Variants in GRK5 observed in about 807,000 individuals in gnomAD.
GRK5 encodes the protein g protein-coupled receptor kinase GRK5.
GRK5 carries 40 observed loss-of-function variants against 78.4 expected under a neutral mutation model. The ratio of observed to expected loss-of-function variants is 0.51; its 90% CI spans 0.40 to 0.66. The LOEUF is 0.66. Ranked by LOEUF, GRK5 falls within the 30% of genes least tolerant of loss-of-function variation. The pLI is 0.00. For missense variants in GRK5, 598 were observed against 759.9 expected, an observed-to-expected ratio of 0.79 and a Z score of 2.50; for synonymous variants, 289 against 296.8, an observed-to-expected ratio of 0.97 and a Z score of 0.27.
intron 1 of GRK5, among the ~76,000 whole-genome samples, chr10:119,260,372 C>CTTTTT (rs56407821): frequency 2.0e-5 from 2 of 101,448 alleles, no homozygotes; most frequent in Non-Finnish European, 3.8e-5. Context: ...TAACCGTCTG[C>CTTTTT]TTTTTTTTTT....
intron 2 of GRK5, among the ~76,000 whole-genome samples, chr10:119,365,755 C>T (rs1851438297): frequency 6.6e-6 from 1 of 152,204 alleles, no homozygotes; most frequent in Non-Finnish European, 1.5e-5. Context: ...TGACTATGTT[C>T]CCCTCAACAC....
intron 1 of GRK5, among the ~76,000 whole-genome samples, chr10:119,291,185 C>G (rs552425839): frequency 5.0e-4 from 76 of 152,242 alleles, no homozygotes; most frequent in African/African-American, 1.8e-3. Context: ...TCTCCATGAT[C>G]TTCATGTTTC....
chr10:119,435,415 T>C (rs1334616030), intron 8 of GRK5, among the ~76,000 whole-genome samples: 1 of 152,228 alleles, frequency 6.6e-6, no homozygotes, highest in Non-Finnish European at 1.5e-5. Flanking sequence ...CCTTGAGTGC[T>C]TTGTTGCTTA....
chr10:119,348,761 G>A (rs953068425), intron 2 of GRK5, among the ~76,000 whole-genome samples: 2 of 152,248 alleles, frequency 1.3e-5, no homozygotes, highest in African/African-American at 4.8e-5. Flanking sequence ...CGGGCCACCA[G>A]TGAGTGCTTT....
In GRK5 at chr10:119,430,555, A is replaced by C; in HGVS notation, c.597+117A>C. 2.4e-6 allele frequency: 2 copies of C among 820,878 alleles called. No individual in the cohort carries two copies. The highest frequency in any genetic ancestry group is 3.9e-6 in the Non-Finnish European group (2 of 508,160). The allele number at this position is 820,878 out of a possible 1,614,324, so 50.8% of individuals were successfully genotyped here. ...GGTCCCCCGGGGGCACCAGTGGCTC[A>C]ATGTGGGCCCCGGGGGCAGTGAGGG... is the stretch of plus-strand genomic sequence containing the variant. On this transcript the variant is annotated intron_variant, in intron 7 of 15. Transcript: ENST00000392870. This position sits in a 1 kb window ranked among gnomAD's most constrained non-coding sequence, Gnocchi z 4.5.
At chr10:119,395,197 C>A (rs1290810591) in intron 3 of GRK5, among the ~76,000 whole-genome samples, 1 of 152,206 alleles carries the variant, frequency 6.6e-6, no homozygotes, top group Non-Finnish European at 1.5e-5. Flanking sequence ...GCCCTATCTC[C>A]CTGTGATCTA....
In GRK5 at chr10:119,358,771, G is replaced by A. The variant is rs565028335; in HGVS notation, c.149-22044G>A. 1.1e-4 allele frequency among the ~76,000 whole-genome samples: 17 copies of A among 152,292 alleles called. No homozygotes were observed. In the South Asian group the frequency reaches 3.3e-3, roughly 30 times the overall value. ...TATGACAAAATACCACAGAGTGGGCGGCTTAGACAACAGGTATTTCTTTCC... is the reference window on the plus strand; with the variant it reads ...TATGACAAAATACCACAGAGTGGGCAGCTTAGACAACAGGTATTTCTTTCC... On this transcript the variant is annotated intron_variant, in intron 2 of 15. Coordinates refer to ENST00000392870, the MANE Select transcript of GRK5 (RefSeq NM_005308.3).
chr10:119,254,409 T>G (rs1849248058), intron 1 of GRK5, among the ~76,000 whole-genome samples: 1 of 152,174 alleles, frequency 6.6e-6, no homozygotes, highest in Admixed American at 6.5e-5. Context: ...TACTCTGCTC[T>G]TATTCATTCA....
intron 2 of GRK5, chr10:119,333,898 C>T (rs966279017): frequency 1.5e-5 from 8 of 521,106 alleles, no homozygotes; most frequent in Non-Finnish European, 3.1e-5. Context: ...GCTGCAGAAC[C>T]AAGGCAAAGA....
chr10:119,420,546 C>CT lies in GRK5; in HGVS notation c.340-2614dup, dbSNP rs754756786. On this transcript the variant is annotated intron_variant, in intron 4 of 15. Coordinates refer to ENST00000392870, the MANE Select transcript of GRK5 (RefSeq NM_005308.3). ...GGTCAAAACCACACTAGCTCCATCT[C>CT]TTTTTTCTTTTTTTTCTTTTTCTTT... Among the ~76,000 whole-genome samples, 47 of 150,744 alleles carry CT rather than the reference C, an allele frequency of 3.1e-4. No homozygotes were observed. The East Asian group carries it at 7.0e-3, about 22-fold the overall frequency.
At chr10:119,385,411 T>G (rs1481741907) in intron 3 of GRK5, among the ~76,000 whole-genome samples, 1 of 152,130 alleles carries the variant, frequency 6.6e-6, no homozygotes, top group Admixed American at 6.5e-5. Context: ...AATACGGGTG[T>G]GCACCACCAT....
At position 119,335,231 on chromosome 10, in the gene GRK5, A is replaced by C. The variant is rs573481239; in HGVS notation, c.148+8620A>C. On this transcript the variant is annotated intron_variant, in intron 2 of 15. Transcript: ENST00000392870. ...TCTTTCTTTCCTCCTTTCCTTCTTT[A>C]TCTTTCTCTGATATTTATTTTTTGA... is the stretch of plus-strand genomic sequence containing the variant. Among the ~76,000 whole-genome samples the C allele has an allele frequency of 3.2e-5, 4 of 124,750 alleles. No individual in the cohort carries two copies. The East Asian group carries it at 1.1e-3, about 33-fold the overall frequency. The allele number at this position is 124,750 out of a possible 152,430, so 81.8% of individuals were successfully genotyped here. A position where few individuals can be genotyped will look rare whatever the true frequency, so the allele number is the denominator to read the frequency against.
chr10:119,280,783 T>G (rs1849749797), intron 1 of GRK5, among the ~76,000 whole-genome samples: 1 of 310 alleles, frequency 3.2e-3, no homozygotes, highest in African/African-American at 0.022. Flanking sequence ...CTCCTTTTCT[T>G]TTTTTTTTTT....
rs372357956 is a variant in GRK5 at position 119,300,385 on chromosome 10, G to C, written c.53-26131G>C. The stretch of plus-strand genomic sequence containing the variant: ...TCTAAGGTCAACACTGCTATCCATT[G>C]CTCACAGACCAGAGTGCATCTCCCA... On this transcript the variant is annotated intron_variant, in intron 1 of 15. Transcript: ENST00000392870. Among the ~76,000 whole-genome samples the C allele has an allele frequency of 1.2e-4, 19 of 152,318 alleles. 3 individuals carry two copies. The East Asian group carries it at 2.5e-3, about 20-fold the overall frequency.
Position 119,457,274 on chromosome 10 carries a change from G to C in GRK5, c.*2207G>C, listed in dbSNP as rs1273493716. 1 of 152,188 alleles carries C rather than the reference G, an allele frequency of 6.6e-6. No individual in the cohort carries two copies. The highest frequency in any genetic ancestry group is 1.5e-5 in the Non-Finnish European group (1 of 68,054). 9.4% of individuals were successfully genotyped at this position (152,188 alleles called of 1,614,324 possible). On this transcript the variant is annotated 3_prime_UTR_variant, in exon 16 of 16. Transcript: ENST00000392870. ...ATAGCAGCTCAGTCCTTACCAGATGGATTCTTGGTGTTGGGAAGCAGCCTC... is the reference window on the plus strand; with the variant it reads ...ATAGCAGCTCAGTCCTTACCAGATGCATTCTTGGTGTTGGGAAGCAGCCTC...
intron 2 of GRK5, among the ~76,000 whole-genome samples, chr10:119,344,903 TTCC>T (rs1589755999): frequency 1.5e-5 from 2 of 136,284 alleles, no homozygotes; most frequent in East Asian, 4.8e-4. Flanking sequence ...CCTTCCTTCC[TTCC>T]TTCCTTCCTT....
At chr10:119,370,852 T>C (rs1368033300) in intron 2 of GRK5, among the ~76,000 whole-genome samples, 1 of 152,060 alleles carries the variant, frequency 6.6e-6, no homozygotes, top group Admixed American at 6.6e-5. Flanking sequence ...CCCCCTTCTC[T>C]GCCACAGCCC....
chr10:119,427,435 TGCCATCATCAGCATCACC>T (rs1419545539), intron 6 of GRK5, among the ~76,000 whole-genome samples: 2 of 123,194 alleles, frequency 1.6e-5, no homozygotes, highest in African/African-American at 3.2e-5. Flanking sequence ...GCAGCATCAC[TGCCATCATCAGCATCACC>T]GCCATCATCA....
intron 1 of GRK5, among the ~76,000 whole-genome samples, chr10:119,220,575 C>T (rs528131369): frequency 8.5e-4 from 130 of 152,286 alleles, no homozygotes; most frequent in Middle Eastern, 6.8e-3. Context: ...TGGCTCATGC[C>T]TGTAATCCCA....
Sources: gnomAD v4.1 joint callset for allele counts (sites outside exome capture counted in the v4.1 genomes callset) on GRCh38, gnomAD v4.1.1 for gene constraint, Gnocchi (gnomAD v3.1) non-coding constraint, MANE v1.5 for transcripts, NCBI Gene and HGNC (gene_info 2026-07-23, HGNC 2026-07-21) for gene names.